Variants in KCNH5 observed in about 807,000 individuals in gnomAD.
KCNH5 encodes the protein potassium voltage-gated channel subfamily H member 5, also known as voltage-gated delayed rectifier potassium channel KCNH5.
In KCNH5, 46 loss-of-function variants were observed where a neutral mutation model predicts 96.1. The ratio of observed to expected loss-of-function variants is 0.48; its 90% CI spans 0.38 to 0.61. The LOEUF is 0.61. Among genes scored for constraint, KCNH5 ranks in the 20% least tolerant of loss-of-function variants. The pLI, the probability that KCNH5 is intolerant of heterozygous loss-of-function variation, is 0.00. For missense variants in KCNH5, 907 were observed against 1,225.8 expected (o/e 0.74, Z 3.88); for synonymous variants, 439 against 449.8 (o/e 0.98, Z 0.30).
At chr14:62,990,165 T>C (rs1195701570) in intron 4 of KCNH5, among the ~76,000 whole-genome samples, 1 of 152,054 alleles carries the variant, frequency 6.6e-6, no homozygotes, top group Non-Finnish European at 1.5e-5. Context: ...ATAAATTAAA[T>C]GATCCATAAA....
At chr14:62,929,993 C>T (rs1028415266) in intron 7 of KCNH5, among the ~76,000 whole-genome samples, 5 of 152,050 alleles carry the variant, frequency 3.3e-5, no homozygotes, top group Non-Finnish European at 7.4e-5. Flanking sequence ...CATAGTATTC[C>T]GTGGTGTATA....
chr14:62,830,635 C>T (rs554736134), intron 8 of KCNH5, among the ~76,000 whole-genome samples: 26 of 148,946 alleles, frequency 1.7e-4, no homozygotes, highest in Non-Finnish European at 3.1e-4. Context: ...GGAAACCACC[C>T]CCCGATCCAG....
At chr14:62,774,076 C>A (rs1886046158) in intron 10 of KCNH5, among the ~76,000 whole-genome samples, 1 of 152,142 alleles carries the variant, frequency 6.6e-6, no homozygotes, top group African/African-American at 2.4e-5. Flanking sequence ...ATGGTTATGA[C>A]TATTGCAGCA....
chr14:62,939,114 C>T lies in KCNH5; in HGVS notation c.1369+11019G>A, dbSNP rs527258596. 3.3e-5 allele frequency among the ~76,000 whole-genome samples: 5 copies of T among 152,264 alleles called. No individual in the cohort carries two copies. The East Asian group carries it at 5.8e-4, about 18-fold the overall frequency. ...CCCTCAACTAGCCAATCAAACAAGT[C>T]AGATAAAGTCACTGATGACCTCCTA... On this transcript the variant is annotated intron_variant, in intron 7 of 10. Coordinates refer to ENST00000322893, the MANE Select transcript of KCNH5 (RefSeq NM_139318.5).
intron 7 of KCNH5, among the ~76,000 whole-genome samples, chr14:62,939,073 C>T (rs1452901190): frequency 6.6e-6 from 1 of 152,100 alleles, no homozygotes; most frequent in Non-Finnish European, 1.5e-5. Context: ...CCATGAGTTC[C>T]CCATGTGGCT....
rs545206750 is a variant in KCNH5 at position 62,703,189 on chromosome 14, C to T, written c.*4319G>A. On this transcript the variant is annotated 3_prime_UTR_variant, in exon 11 of 11. Coordinates refer to ENST00000322893, the MANE Select transcript of KCNH5 (RefSeq NM_139318.5). ...TTTGATTTGTAGTTCTAAATTCCCA[C>T]ATAAGTATGAAGTTTTATGCTTACC... 5.1e-4 allele frequency: 78 copies of T among 151,988 alleles called. No individual in the cohort carries two copies. Among genetic ancestry groups the T allele is most frequent in the African/African-American group, 1.8e-3 (76 of 41,560 alleles). 9.4% of individuals were successfully genotyped at this position (151,988 alleles called of 1,614,324 possible).
At chr14:62,991,598 C>A (rs1413205279) in intron 4 of KCNH5, among the ~76,000 whole-genome samples, 1 of 151,902 alleles carries the variant, frequency 6.6e-6, no homozygotes, top group Non-Finnish European at 1.5e-5. Context: ...CAATGCAAAG[C>A]AAATGAATGT....
intron 4 of KCNH5, among the ~76,000 whole-genome samples, chr14:62,989,421 A>G (rs1008059196): frequency 2.0e-5 from 3 of 152,128 alleles, no homozygotes; most frequent in African/African-American, 7.2e-5. Context: ...TAAATCTACT[A>G]GGAATTCTTT....
At chr14:62,848,723 G>T (rs968208254) in intron 8 of KCNH5, among the ~76,000 whole-genome samples, 2 of 151,894 alleles carry the variant, frequency 1.3e-5, no homozygotes, top group Non-Finnish European at 2.9e-5. Flanking sequence ...TGCTTTTTGA[G>T]CAGGTCTTAA....
chr14:62,946,718 C>T lies in KCNH5; in HGVS notation c.1369+3415G>A, dbSNP rs531773575. Among the ~76,000 whole-genome samples, 62 of 152,152 alleles carry T rather than the reference C, an allele frequency of 4.1e-4. No individual in the cohort carries two copies. The Middle Eastern group carries it at 0.014, about 33-fold the overall frequency. On this transcript the variant is annotated intron_variant, in intron 7 of 10. Transcript: ENST00000322893. ...TGAGTTAAACAGTAGTACATCCTAA[C>T]CATGAACTACTACTCAGCAATAAAA...
At chr14:62,798,807 CGA>C (rs1392804387) in intron 9 of KCNH5, among the ~76,000 whole-genome samples, 2 of 152,112 alleles carry the variant, frequency 1.3e-5, no homozygotes, top group African/African-American at 4.8e-5. Context: ...ACGTGCCTAT[CGA>C]GAGACTGTTT....
intron 8 of KCNH5, among the ~76,000 whole-genome samples, chr14:62,845,120 GA>G (rs1238573159): frequency 4.6e-5 from 7 of 151,634 alleles, no homozygotes; most frequent in African/African-American, 7.3e-5. Context: ...TAAAATATTT[GA>G]AAAAAATTAT....
chr14:62,727,730 G>A (rs1379909891), intron 10 of KCNH5, among the ~76,000 whole-genome samples: 2 of 146,298 alleles, frequency 1.4e-5, no homozygotes, highest in East Asian at 2.1e-4. Context: ...TGTGGGTGCT[G>A]AGAATACCAA....
intron 6 of KCNH5, among the ~76,000 whole-genome samples, chr14:62,952,924 C>T (rs1018929178): frequency 6.6e-6 from 1 of 151,780 alleles, no homozygotes; most frequent in Non-Finnish European, 1.5e-5. Context: ...TTTGACACTA[C>T]TTAAATATTA....
chr14:63,001,300 T>C, intron 4 of KCNH5, 31 bp downstream of exon 4: 1 of 1,564,278 alleles, frequency 6.4e-7, no homozygotes, highest in East Asian at 2.3e-5. Context: ...ACAGCCTAAT[T>C]TTTCAGTGTA....
intron 4 of KCNH5, among the ~76,000 whole-genome samples, chr14:63,000,742 G>C (rs909401858): frequency 6.6e-6 from 1 of 152,136 alleles, no homozygotes; most frequent in Non-Finnish European, 1.5e-5. Flanking sequence ...AGCTCACCAT[G>C]GTATGAGGTG....
At chr14:62,932,493 T>TA (rs1478959668) in intron 7 of KCNH5, among the ~76,000 whole-genome samples, 3 of 122,188 alleles carry the variant, frequency 2.5e-5, no homozygotes, top group African/African-American at 9.3e-5. Context: ...AAAAAAAAAC[T>TA]AAAAAACCAA....
chr14:62,952,397 T>C (rs1890024261), intron 6 of KCNH5, among the ~76,000 whole-genome samples: 1 of 152,112 alleles, frequency 6.6e-6, no homozygotes, highest in Non-Finnish European at 1.5e-5. Context: ...CATCAACAAG[T>C]AATACAAAAA....
Position 62,980,860 on chromosome 14 carries a change from C to T in KCNH5, c.942+12G>A, listed in dbSNP as rs761278039. ...ACCCACAGTACTCAGAAAACCAAAA[C>T]GAAAAACTTACCTCATCCACATTTT... On this transcript the variant is annotated intron_variant, in intron 6 of 10. Coordinates refer to ENST00000322893, the MANE Select transcript of KCNH5 (RefSeq NM_139318.5). 42 of 1,611,218 alleles carry T rather than the reference C, an allele frequency of 2.6e-5. No homozygotes were observed. Among genetic ancestry groups the T allele is most frequent in the Non-Finnish European group, 3.2e-5 (38 of 1,179,404 alleles).
Sources: gnomAD v4.1 joint callset for allele counts (sites outside exome capture counted in the v4.1 genomes callset) on GRCh38, gnomAD v4.1.1 for gene constraint, MANE v1.5 for transcripts, NCBI Gene and HGNC (gene_info 2026-07-23, HGNC 2026-07-21) for gene names.